RBMS3: variants seen among roughly 807,000 people sequenced by gnomAD.
RBMS3 encodes RNA-binding motif, single-stranded-interacting protein 3.
RBMS3 carries 27 observed loss-of-function variants against 66.8 expected under a neutral mutation model. The observed-to-expected ratio is 0.40, with a 90% CI of 0.30 to 0.56. The LOEUF (loss-of-function observed/expected upper bound fraction) is 0.56, where lower values mean the gene tolerates loss of function less well. Ranked by LOEUF, RBMS3 falls within the 20% of genes least tolerant of loss-of-function variation. RBMS3 has a pLI of 0.40. For synonymous variants in RBMS3, 188 were observed against 183.0 expected, an observed-to-expected ratio of 1.03 and a Z score of -0.22; for missense variants, 513 against 549.5, an observed-to-expected ratio of 0.93 and a Z score of 0.66.
rs147558089 is a variant in RBMS3, at chr3:29,946,116, C to A, written c.1098+1862C>A. ...TTGTAAGATTTAATTGGTAGTTTGA[C>A]ATAAGTTTCACAGACTTCTTTGGTC... On this transcript the variant is annotated intron_variant, in intron 12 of 14. Transcript: ENST00000383767. 7.9e-5 allele frequency among the ~76,000 whole-genome samples: 12 copies of A among 151,804 alleles called. No homozygotes were observed. In the East Asian group the frequency reaches 1.9e-3, roughly 25 times the overall value.
intron 3 of RBMS3, among the ~76,000 whole-genome samples, chr3:29,547,614 G>C (rs2046010314): frequency 6.6e-6 from 1 of 151,720 alleles, no homozygotes; most frequent in East Asian, 1.9e-4. Context: ...TGATTCAGGG[G>C]ATTCACTGGC....
chr3:29,471,718 G>GT (rs397793236), intron 2 of RBMS3, among the ~76,000 whole-genome samples: 8,913 of 71,130 alleles, frequency 0.13, 463 homozygotes, highest in East Asian at 0.25. Flanking sequence ...TGAGGACTTA[G>GT]TTTTTTTTTT....
chr3:29,535,790 G>T (rs1474301175), intron 3 of RBMS3, among the ~76,000 whole-genome samples: 3 of 136,274 alleles, frequency 2.2e-5, no homozygotes. Context: ...TATTCAGGAT[G>T]GTGAGTTTGG....
intron 1 of RBMS3, among the ~76,000 whole-genome samples, chr3:29,382,055 A>C (rs537230302): frequency 1.3e-5 from 2 of 152,318 alleles, no homozygotes; most frequent in Admixed American, 6.5e-5. Flanking sequence ...TATTGTGAGT[A>C]GACAGGCATT....
intron 4 of RBMS3, among the ~76,000 whole-genome samples, chr3:29,663,370 A>C (rs2050631493): frequency 6.6e-6 from 1 of 152,206 alleles, no homozygotes; most frequent in South Asian, 2.1e-4. Flanking sequence ...CATAACGAAG[A>C]CCTTGACTCT....
intron 5 of RBMS3, among the ~76,000 whole-genome samples, chr3:29,747,588 G>A (rs961560201): frequency 6.6e-6 from 1 of 152,150 alleles, no homozygotes; most frequent in Non-Finnish European, 1.5e-5. Context: ...TGGGGATGAT[G>A]CAGGATTTTT....
intron 1 of RBMS3, among the ~76,000 whole-genome samples, chr3:29,349,444 G>C (rs78819963): frequency 0.02 from 3,037 of 152,278 alleles, 102 homozygotes; most frequent in African/African-American, 0.069. Flanking sequence ...TATGTTTCCT[G>C]TATAGGGACC....
intron 1 of RBMS3, among the ~76,000 whole-genome samples, chr3:29,331,507 C>T (rs1220261819): frequency 6.6e-6 from 1 of 152,148 alleles, no homozygotes; most frequent in Non-Finnish European, 1.5e-5. Context: ...CCATGATTTC[C>T]TTCCCAATTA....
chr3:29,962,144 T>C (rs930831951), intron 12 of RBMS3, among the ~76,000 whole-genome samples: 3 of 149,710 alleles, frequency 2.0e-5, no homozygotes, highest in African/African-American at 7.3e-5. Context: ...ATGACTTTTT[T>C]TGAAGACTGA....
At chr3:29,916,886 C>G (rs1223156628) in intron 10 of RBMS3, among the ~76,000 whole-genome samples, 1 of 151,964 alleles carries the variant, frequency 6.6e-6, no homozygotes, top group African/African-American at 2.4e-5. Flanking sequence ...TAATTAATTC[C>G]TGAAATGTTT....
rs71091052 is a variant in RBMS3, at chr3:29,325,663, CAT to C, written c.75+43909_75+43910del. Among the ~76,000 whole-genome samples, 946 of 124,950 alleles carry C rather than the reference CAT, an allele frequency of 7.6e-3. 11 individuals carry two copies. Among genetic ancestry groups the C allele is most frequent in the South Asian group, 0.048 (189 of 3,976 alleles). The allele number at this position is 124,950 out of a possible 152,430, so 82.0% of individuals were successfully genotyped here. ...ATACACATACACACACACACACACA[CAT>C]ACACACACATATGTATAAATTTGAC... On this transcript the variant is annotated intron_variant, in intron 1 of 14. Coordinates refer to ENST00000383767, the MANE Select transcript of RBMS3 (RefSeq NM_001003793.3).
At chr3:29,451,532 C>T (rs767901496) in intron 2 of RBMS3, among the ~76,000 whole-genome samples, 41 of 152,268 alleles carry the variant, frequency 2.7e-4, no homozygotes, top group Middle Eastern at 6.8e-3. Flanking sequence ...ATATTACCTA[C>T]AATATCCTCA....
chr3:29,784,609 A>G (rs1200363643), intron 6 of RBMS3, among the ~76,000 whole-genome samples: 65 of 152,252 alleles, frequency 4.3e-4, no homozygotes, highest in Non-Finnish European at 8.8e-5. Context: ...AGACAATCTA[A>G]GGTCACACCT....
At chr3:29,632,271 A>T (rs2049311971) in intron 4 of RBMS3, among the ~76,000 whole-genome samples, 1 of 151,274 alleles carries the variant, frequency 6.6e-6, no homozygotes, top group Non-Finnish European at 1.5e-5. Context: ...TATGAGAAAT[A>T]AAAATTTTGA....
chr3:29,961,755 G>A (rs1280704385), intron 12 of RBMS3, among the ~76,000 whole-genome samples: 1 of 151,658 alleles, frequency 6.6e-6, no homozygotes, highest in Non-Finnish European at 1.5e-5. Context: ...GAACAGCATG[G>A]AGGTAGCTGC....
intron 12 of RBMS3, among the ~76,000 whole-genome samples, chr3:29,982,128 G>C (rs946289348): frequency 6.6e-6 from 1 of 151,984 alleles, no homozygotes; most frequent in South Asian, 2.1e-4. Flanking sequence ...TCAGGGATTC[G>C]ACTTCTTCCT....
chr3:29,806,854 A>G (rs1313799376), intron 6 of RBMS3, among the ~76,000 whole-genome samples: 4 of 151,900 alleles, frequency 2.6e-5, no homozygotes, highest in African/African-American at 7.2e-5. Context: ...TTTAACGTCT[A>G]TTACTTTTCA....
At chr3:29,659,741 T>C (rs1227792205) in intron 4 of RBMS3, among the ~76,000 whole-genome samples, 3 of 152,084 alleles carry the variant, frequency 2.0e-5, no homozygotes, top group Admixed American at 1.3e-4. Flanking sequence ...GGGGGGGTGG[T>C]TACAGAGAGC....
intron 3 of RBMS3, among the ~76,000 whole-genome samples, chr3:29,519,613 T>C (rs2044775465): frequency 1.3e-5 from 2 of 152,298 alleles, no homozygotes; most frequent in East Asian, 3.9e-4. Flanking sequence ...CTGGCAGTTC[T>C]TTTGCTGTTT....
Sources: gnomAD v4.1 joint callset for allele counts (sites outside exome capture counted in the v4.1 genomes callset) on GRCh38, gnomAD v4.1.1 for gene constraint, MANE v1.5 for transcripts, NCBI Gene and HGNC (gene_info 2026-07-23, HGNC 2026-07-21) for gene names.